ABCB5: variants seen among roughly 807,000 people sequenced by gnomAD.
ABCB5 encodes ATP-binding cassette sub-family B member 5.
Under a neutral mutation model 144.2 loss-of-function variants are expected in ABCB5, and 155 were observed. The ratio of observed to expected loss-of-function variants is 1.08; its 90% CI spans 0.94 to 1.23. The LOEUF is 1.23. Among genes scored for constraint, ABCB5 ranks in the 50% most tolerant of loss-of-function variants. ABCB5 has a pLI of 0.00. For missense variants in ABCB5, 1,830 were observed against 1,520.8 expected, an observed-to-expected ratio of 1.20 and a Z score of -3.38; for synonymous variants, 610 against 528.6, an observed-to-expected ratio of 1.15 and a Z score of -2.11.
chr7:20,738,788 G>A (rs969302750), intron 23 of ABCB5, among the ~76,000 whole-genome samples, 195 bp from the exon 24 acceptor site: 24 of 152,122 alleles, frequency 1.6e-4, no homozygotes, highest in African/African-American at 4.8e-4. Context: ...AGTTCATTTT[G>A]GTGTACAGAG....
At chr7:20,745,130 C>A in intron 25 of ABCB5, 102 bp from the exon 26 acceptor site, 1 of 1,225,980 alleles carries the variant, frequency 8.2e-7, no homozygotes, top group Non-Finnish European at 1.2e-6. Context: ...GCTTGAATTC[C>A]TATCCTTCTT....
In ABCB5 at chr7:20,637,341, C is replaced by T. The variant is rs1401047462; in HGVS notation, c.314+5228C>T. 3.3e-5 allele frequency among the ~76,000 whole-genome samples: 5 copies of T among 152,100 alleles called. No homozygotes were observed. The East Asian group carries it at 9.7e-4, about 29-fold the overall frequency. ...TGAATCTTTTCTTGCTGACTCCAGA[C>T]TGAAATGACTAAATAGTGCCAGGAC... On this transcript the variant is annotated intron_variant, in intron 5 of 27. Transcript: ENST00000404938.
intron 1 of ABCB5, among the ~76,000 whole-genome samples, chr7:20,621,790 TACTC>T (rs1433033229): frequency 2.6e-5 from 4 of 152,290 alleles, no homozygotes; most frequent in South Asian, 2.1e-4. Flanking sequence ...CGTAAAGTAT[TACTC>T]AATAAATATT....
intron 14 of ABCB5, among the ~76,000 whole-genome samples, chr7:20,663,722 T>C (rs1785078205): frequency 6.7e-6 from 1 of 148,768 alleles, no homozygotes. Context: ...GCTTTTTTTT[T>C]TTTTTTTTTT....
Position 20,650,075 on chromosome 7 carries a change from C to G in ABCB5, c.1260C>G (p.Val420=). Residue 420 remains valine (V), a synonymous_variant, in exon 12 of 28, where the codon GTC becomes GTG. Transcript: ENST00000404938. ...AGTCTGGAGAGACAGTCGCCTTGGT[C>G]GGTCTCAATGGCAGTGGGAAGAGTA... ...RIKSGETVAL[V]GLNGSGKSTV... The G allele has an allele frequency of 3.1e-6, 5 of 1,613,494 alleles. No homozygotes were observed. Among genetic ancestry groups the G allele is most frequent in the Non-Finnish European group, 4.2e-6 (5 of 1,179,636 alleles).
chr7:20,691,222 T>C (rs118183311), intron 16 of ABCB5, among the ~76,000 whole-genome samples: 2 of 129,872 alleles, frequency 1.5e-5, no homozygotes, highest in East Asian at 5.3e-4. Flanking sequence ...TTCACTCTTG[T>C]TGCTCAGGCT....
intron 23 of ABCB5, among the ~76,000 whole-genome samples, chr7:20,737,786 C>G (rs1782435925): frequency 6.6e-6 from 1 of 152,058 alleles, no homozygotes; most frequent in Admixed American, 6.5e-5. Context: ...GTTACCTAAA[C>G]TCAGTGACCA....
chr7:20,644,951 G>C (rs1186746736), intron 7 of ABCB5, among the ~76,000 whole-genome samples: 1 of 152,204 alleles, frequency 6.6e-6, no homozygotes, highest in East Asian at 1.9e-4. Context: ...TCAGTAGAAA[G>C]ATTGCCTGCA....
intron 27 of ABCB5, 54 bp from the exon 28 acceptor site, chr7:20,755,373 A>G: frequency 6.5e-7 from 1 of 1,528,202 alleles, no homozygotes. Context: ...TGACTTAGGT[A>G]AGTTTACTAA....
Position 20,647,909 on chromosome 7 carries a change from T to C in ABCB5, c.1096-59T>C. 7 of 1,194,124 alleles carry C rather than the reference T, an allele frequency of 5.9e-6. No individual in the cohort carries two copies. In the East Asian group the frequency reaches 1.2e-4, roughly 20 times the overall value. 74.0% of individuals were successfully genotyped at this position (1,194,124 alleles called of 1,614,324 possible). On this transcript the variant is annotated intron_variant, in intron 10 of 27. Transcript: ENST00000404938. ...AACCATCCTTATACTATTTTTAAAA[T>C]GTAGAGACTGTCAGTTTACTCCTTT...
At chr7:20,702,655 A>ATTTTTTTTTTTTTTTTTTTTTTTTT (rs34454519) in intron 19 of ABCB5, among the ~76,000 whole-genome samples, 1 of 117,166 alleles carries the variant, frequency 8.5e-6, no homozygotes, top group Non-Finnish European at 1.7e-5. Context: ...CATATAATGG[A>ATTTTTTTTTTTTTTTTTTTTTTTTT]TTTTTTTTTT....
In ABCB5 at chr7:20,636,728, T is replaced by A. The variant is rs930854972; in HGVS notation, c.314+4615T>A. Among the ~76,000 whole-genome samples, 9 of 136,854 alleles carry A rather than the reference T, an allele frequency of 6.6e-5. No homozygotes were observed. In the Admixed American group the frequency reaches 6.8e-4, roughly 10 times the overall value. The allele number at this position is 136,854 out of a possible 152,430, so 89.8% of individuals were successfully genotyped here. A position where few individuals can be genotyped will look rare whatever the true frequency, so the allele number is the denominator to read the frequency against. ...TGAACCTGGGAGTTAGAGGTTGCAG[T>A]GAGCTGAGATCACACCACTGCACTC... On this transcript the variant is annotated intron_variant, in intron 5 of 27. Coordinates refer to ENST00000404938, the MANE Select transcript of ABCB5 (RefSeq NM_001163941.2).
chr7:20,698,928 C>G (rs1263197801), intron 17 of ABCB5, among the ~76,000 whole-genome samples: 7 of 152,126 alleles, frequency 4.6e-5, no homozygotes, highest in Admixed American at 1.3e-4. Context: ...GAAGAAATAA[C>G]AAGAGTCTGG....
At chr7:20,702,559 A>G (rs1030517959) in intron 19 of ABCB5, among the ~76,000 whole-genome samples, 2 of 152,104 alleles carry the variant, frequency 1.3e-5, no homozygotes, top group African/African-American at 4.8e-5. Context: ...TCACAAACCT[A>G]CACATGTACT....
In ABCB5 at chr7:20,658,546, G is replaced by C. The variant is rs752979802; in HGVS notation, c.1577G>C (p.Ser526Thr). 1 of 1,614,150 alleles carries C rather than the reference G, an allele frequency of 6.2e-7. No homozygotes were observed. The highest frequency in any genetic ancestry group is 8.5e-7 in the Non-Finnish European group (1 of 1,180,022). The stretch of plus-strand genomic sequence containing the variant: ...GTAGGGGAAAAAGGAGCTCAAATGA[G>C]TGGAGGGCAGAAACAGAGGATCGCA... The part of the protein sequence containing the change: ...TLVGEKGAQM[S>T]GGQKQRIAIA... Residue 526 changes from serine to threonine, a missense_variant, in exon 14 of 28, where the codon AGT (serine) becomes ACT (threonine). Ser to Thr is a moderately conservative substitution (Grantham distance 58, BLOSUM62 1). Transcript: ENST00000404938.
intron 5 of ABCB5, among the ~76,000 whole-genome samples, chr7:20,635,976 T>C (rs1036589719): frequency 6.6e-6 from 1 of 152,312 alleles, no homozygotes; most frequent in Non-Finnish European, 1.5e-5. Context: ...CTCAATCACA[T>C]GTCAAGCATT....
chr7:20,638,808 T>C (rs1784220372), intron 5 of ABCB5, among the ~76,000 whole-genome samples: 1 of 152,224 alleles, frequency 6.6e-6, no homozygotes, highest in Non-Finnish European at 1.5e-5. Context: ...TTACAAATAA[T>C]GCTTCTGTGA....
At position 20,711,156 on chromosome 7, in the gene ABCB5, A is replaced by T. The variant is rs1177009645; in HGVS notation, c.2421+6349A>T. On this transcript the variant is annotated intron_variant, in intron 20 of 27. Transcript: ENST00000404938. ...AATAAACCCATACTACATTGTAATT[A>T]TTTTTGCTTAACAATCATCTTTTAT... Among the ~76,000 whole-genome samples the T allele has an allele frequency of 2.7e-5, 4 of 149,440 alleles. 1 individual carries two copies. Among genetic ancestry groups the T allele is most frequent in the African/African-American group, 9.9e-5 (4 of 40,426 alleles).
In ABCB5 at chr7:20,710,262, G is replaced by GA. The variant is rs1381641106; in HGVS notation, c.2421+5456dup. Among the ~76,000 whole-genome samples, 23 of 141,308 alleles carry GA rather than the reference G, an allele frequency of 1.6e-4. 2 individuals are homozygous for GA. Among genetic ancestry groups the GA allele is most frequent in the Non-Finnish European group, 3.5e-4 (23 of 64,838 alleles). 92.7% of individuals were successfully genotyped at this position (141,308 alleles called of 152,430 possible). ...GGCATCTATAATCCCAGCTACTCGG[G>GA]AGGCTGAGGCAGGAAAATCGTTTGA... On this transcript the variant is annotated intron_variant, in intron 20 of 27. Coordinates refer to ENST00000404938, the MANE Select transcript of ABCB5 (RefSeq NM_001163941.2).
Sources: gnomAD v4.1 joint callset for allele counts (sites outside exome capture counted in the v4.1 genomes callset) on GRCh38, gnomAD v4.1.1 for gene constraint, MANE v1.5 for transcripts, NCBI Gene and HGNC (gene_info 2026-07-23, HGNC 2026-07-21) for gene names.